Variants in ITGA3 observed in about 807,000 individuals in gnomAD.
ITGA3 encodes integrin subunit alpha 3.
ITGA3 carries 70 observed loss-of-function variants against 131.1 expected under a neutral mutation model. The observed-to-expected ratio is 0.53, with a 90% confidence interval of 0.44 to 0.65. The LOEUF is 0.65. Ranked by LOEUF, ITGA3 falls within the 30% of genes least tolerant of loss-of-function variation. ITGA3 has a pLI of 0.00. For missense variants in ITGA3, 1,098 were observed against 1,388.6 expected (o/e 0.79, Z 3.33); for synonymous variants, 537 against 571.6 (o/e 0.94, Z 0.86).
chr17:50,068,833 TA>T (rs1908464951), intron 4 of ITGA3, among the ~76,000 whole-genome samples: 8 of 138,598 alleles, frequency 5.8e-5, no homozygotes, highest in Admixed American at 3.2e-4. Context: ...TTTATTTATT[TA>T]TTTATTTATT....
rs1395712640 is a variant in ITGA3, at chr17:50,071,422, C to T, written c.863C>T (p.Ala288Val). 6.2e-7 allele frequency: 1 copy of T among 1,614,156 alleles called. No individual in the cohort carries two copies. The highest frequency in any genetic ancestry group is 2.2e-5 in the East Asian group (1 of 44,880). The change falls in exon 6 of 26, where the codon GCA becomes GTA. Residue 288 changes from alanine to valine, a missense_variant. Ala to Val is a moderately conservative substitution (Grantham distance 64). Coordinates refer to ENST00000320031, the MANE Select transcript of ITGA3 (RefSeq NM_002204.4). ...MGAVFLLSQEAGGDLRRRQVL... is the reference protein window; with the variant it reads ...MGAVFLLSQEVGGDLRRRQVL... ...GCGGTGTTCTTGCTGAGCCAGGAGGCAGGCGGAGACCTGCGGAGGAGGCAG... is the reference window on the plus strand; with the variant it reads ...GCGGTGTTCTTGCTGAGCCAGGAGGTAGGCGGAGACCTGCGGAGGAGGCAG...
intron 1 of ITGA3, among the ~76,000 whole-genome samples, chr17:50,058,389 A>G (rs1403798017): frequency 6.6e-6 from 1 of 152,166 alleles, no homozygotes; most frequent in Non-Finnish European, 1.5e-5. Context: ...TTCTGCTGGG[A>G]TGTTAGTGGG....
chr17:50,074,600 C>A, intron 10 of ITGA3, 66 bp downstream of exon 10: 1 of 1,127,188 alleles, frequency 8.9e-7, no homozygotes, highest in Non-Finnish European at 1.3e-6. Flanking sequence ...CTGCAGCTCC[C>A]AAACCCCTCC....
chr17:50,082,714 C>T (rs1264718825), intron 23 of ITGA3, among the ~76,000 whole-genome samples: 1 of 152,108 alleles, frequency 6.6e-6, no homozygotes, highest in African/African-American at 2.4e-5. Flanking sequence ...TAGCAATAAC[C>T]AATCAAAAGG....
intron 23 of ITGA3, among the ~76,000 whole-genome samples, chr17:50,083,012 T>C (rs1005925051): frequency 6.6e-6 from 1 of 152,180 alleles, no homozygotes; most frequent in Non-Finnish European, 1.5e-5. Flanking sequence ...GAGATACTTA[T>C]AGGGAGATGA....
intron 25 of ITGA3, 75 bp from the exon 26 acceptor site, chr17:50,089,035 G>A (rs1598201816): frequency 8.6e-7 from 1 of 1,161,668 alleles, no homozygotes; most frequent in Non-Finnish European, 1.3e-6. Context: ...GTGGGAGAGG[G>A]AGAGGCCTGG....
In ITGA3 at chr17:50,076,723, G is replaced by A. The variant is rs1439797104; in HGVS notation, c.1922+42G>A. 7.2e-6 allele frequency: 11 copies of A among 1,527,790 alleles called. No homozygotes were observed. In the Admixed American group the frequency reaches 1.7e-4, roughly 23 times the overall value. The allele number at this position is 1,527,790 out of a possible 1,614,324, so 94.6% of individuals were successfully genotyped here. A position where few individuals can be genotyped will look rare whatever the true frequency, so the allele number is the denominator to read the frequency against. ...GGCCGCGTTAATCGGCCAAGGGTGG[G>A]ACGGGGCCTCATTAACTGGCAGGGT... On this transcript the variant is annotated intron_variant, in intron 14 of 25. Transcript: ENST00000320031.
At chr17:50,071,216 G>A in intron 5 of ITGA3, 95 bp from the exon 6 acceptor site, 2 of 1,120,478 alleles carry the variant, frequency 1.8e-6, no homozygotes, top group Non-Finnish European at 2.6e-6. Flanking sequence ...AGAACATCAT[G>A]GTGGGGGGCA....
chr17:50,079,038 C>G, intron 19 of ITGA3, 38 bp from the exon 20 acceptor site: 1 of 1,595,614 alleles, frequency 6.3e-7, no homozygotes, highest in Non-Finnish European at 8.6e-7. Context: ...AGGTGGTTTT[C>G]CAGGAGATAA....
intron 1 of ITGA3, among the ~76,000 whole-genome samples, chr17:50,058,246 C>T (rs1907921531): frequency 6.6e-6 from 1 of 152,214 alleles, no homozygotes. Flanking sequence ...TGCTGCTGGC[C>T]TGTGAGAAGC....
Position 50,064,707 on chromosome 17 carries a change from G to C in ITGA3, c.414+100G>C, listed in dbSNP as rs562521495. Reference sequence around the variant, plus strand: ...AGAGGGCAGCAGGGGGGTCCACGGCGCGTGTGTGCTGGGGCCTGCACACAT... The same window carrying C: ...AGAGGGCAGCAGGGGGGTCCACGGCCCGTGTGTGCTGGGGCCTGCACACAT... On this transcript the variant is annotated intron_variant, in intron 3 of 25. Coordinates refer to ENST00000320031, the MANE Select transcript of ITGA3 (RefSeq NM_002204.4). This position sits in a 1 kb window ranked among gnomAD's most constrained non-coding sequence, Gnocchi z 4.4. The C allele has an allele frequency of 4.2e-6, 4 of 958,640 alleles. No individual in the cohort carries two copies. Among genetic ancestry groups the C allele is most frequent in the Non-Finnish European group, 6.3e-6 (4 of 630,254 alleles). 59.4% of individuals were successfully genotyped at this position (958,640 alleles called of 1,614,324 possible).
At chr17:50,062,676 CCTGCA>C (rs72026961) in intron 1 of ITGA3, among the ~76,000 whole-genome samples, 18,356 of 152,248 alleles carry the variant, frequency 0.12, 1,403 homozygotes, top group East Asian at 0.32. Context: ...ATGCCCAGGC[CCTGCA>C]CTGCCCTGCC....
chr17:50,079,000 G>A, intron 19 of ITGA3, 74 bp downstream of exon 19: 2 of 1,521,334 alleles, frequency 1.3e-6, no homozygotes, highest in Non-Finnish European at 1.8e-6. Context: ...GGGTCTGAAG[G>A]TGGGAGGGTT....
chr17:50,074,605 C>T (rs907664703), intron 10 of ITGA3, 71 bp downstream of exon 10: 5 of 1,083,470 alleles, frequency 4.6e-6, no homozygotes, highest in Middle Eastern at 2.0e-4. Flanking sequence ...GCTCCCAAAC[C>T]CCTCCCCTGG....
rs753123658 is a variant in ITGA3, at chr17:50,076,336, G to C, written c.1685G>C (p.Arg562Pro). 1 of 1,613,540 alleles carries C rather than the reference G, an allele frequency of 6.2e-7. No homozygotes were observed. The highest frequency in any genetic ancestry group is 1.1e-5 in the South Asian group (1 of 91,048). ...ACCCTCTCTCCCCAGGACAACCTCC[G>C]TGACAAACTCCGCCCCATCATCATC... Reference protein sequence around the residue: ...KLELLLMDNLRDKLRPIIISM... With the variant: ...KLELLLMDNLPDKLRPIIISM... The change falls in exon 13 of 26, where the codon CGT becomes CCT. Residue 562 changes from arginine to proline, a missense_variant. By Grantham distance (103) the Arg-to-Pro change is moderately radical. Around this residue, in one of 3 missense-constraint regions of ITGA3, gnomAD observed 699 missense variants for 829.2 expected, o/e 0.84. Transcript: ENST00000320031.
rs1451697587 is a variant in ITGA3 at position 50,090,281 on chromosome 17, C to T, written c.*1203C>T. The T allele has an allele frequency of 2.2e-6, 1 of 456,468 alleles. No homozygotes were observed. The highest frequency in any genetic ancestry group is 4.4e-6 in the Non-Finnish European group (1 of 226,854). 28.3% of individuals were successfully genotyped at this position (456,468 alleles called of 1,614,324 possible). ...GAGCCAGCCTGGCTCTGCCCCCTCC[C>T]CCATGGGCTGTGTCCTAAGGCCCAT... On this transcript the variant is annotated 3_prime_UTR_variant, in exon 26 of 26. Transcript: ENST00000320031.
At chr17:50,068,391 A>G in intron 4 of ITGA3, 86 bp downstream of exon 4, 2 of 1,467,330 alleles carry the variant, frequency 1.4e-6, no homozygotes, top group South Asian at 2.5e-5. Context: ...GGCCTAGACC[A>G]TCCACACTAG....
At chr17:50,069,607 A>T (rs1012575328) in intron 4 of ITGA3, among the ~76,000 whole-genome samples, 2 of 152,220 alleles carry the variant, frequency 1.3e-5, no homozygotes, top group African/African-American at 4.8e-5. Context: ...TTGAGGCTGC[A>T]GTGAGCTGCG....
rs562521495 is a variant in ITGA3 at position 50,064,707 on chromosome 17, G to T, written c.414+100G>T. Reference sequence around the variant, plus strand: ...AGAGGGCAGCAGGGGGGTCCACGGCGCGTGTGTGCTGGGGCCTGCACACAT... The same window carrying T: ...AGAGGGCAGCAGGGGGGTCCACGGCTCGTGTGTGCTGGGGCCTGCACACAT... On this transcript the variant is annotated intron_variant, in intron 3 of 25. Transcript: ENST00000320031. This position sits in a 1 kb window ranked among gnomAD's most constrained non-coding sequence, Gnocchi z 4.4. 1.0e-6 allele frequency: 1 copy of T among 958,756 alleles called. No individual in the cohort carries two copies. The highest frequency in any genetic ancestry group is 1.6e-6 in the Non-Finnish European group (1 of 630,246). 59.4% of individuals were successfully genotyped at this position (958,756 alleles called of 1,614,324 possible).
Sources: gnomAD v4.1 joint callset for allele counts (sites outside exome capture counted in the v4.1 genomes callset) on GRCh38, gnomAD v4.1.1 for gene constraint, gnomAD v4.1.1 regional missense constraint, Gnocchi (gnomAD v3.1) non-coding constraint, MANE v1.5 for transcripts, NCBI Gene and HGNC (gene_info 2026-07-23, HGNC 2026-07-21) for gene names.